Variants in CNTN5 observed in about 807,000 individuals in gnomAD.
The protein encoded by CNTN5 is contactin 5, also known as contactin-5.
In CNTN5, 77 loss-of-function variants were observed where a neutral mutation model predicts 129.1. That is an observed-to-expected ratio of 0.60 (90% CI 0.50 to 0.72). CNTN5 has a LOEUF of 0.72. CNTN5 is among the 30% of genes least tolerant of loss of function. The probability of loss-of-function intolerance (pLI) is 0.00; values close to 1 mark genes in which losing one functional copy is unlikely to be tolerated. For synonymous variants in CNTN5, 509 were observed against 465.6 expected, an observed-to-expected ratio of 1.09 and a Z score of -1.20; for missense variants, 1,478 against 1,328.8, an observed-to-expected ratio of 1.11 and a Z score of -1.75.
intron 1 of CNTN5, among the ~76,000 whole-genome samples, chr11:99,139,763 A>G (rs1352965648): frequency 6.6e-6 from 1 of 152,190 alleles, no homozygotes; most frequent in African/African-American, 2.4e-5. Flanking sequence ...ATATTTGACA[A>G]TTATGCTAAC....
At chr11:99,543,304 C>T (rs531095287) in intron 2 of CNTN5, among the ~76,000 whole-genome samples, 1 of 152,250 alleles carries the variant, frequency 6.6e-6, no homozygotes, top group Admixed American at 6.5e-5. Context: ...TATACAGCAT[C>T]TTATATTTGG....
At chr11:100,157,453 C>T (rs918177939) in intron 13 of CNTN5, among the ~76,000 whole-genome samples, 3 of 150,710 alleles carry the variant, frequency 2.0e-5, no homozygotes, top group Non-Finnish European at 4.4e-5. Context: ...AGTAGCATTA[C>T]AGAAATTAAA....
chr11:99,330,839 T>G (rs1865970014), intron 2 of CNTN5, among the ~76,000 whole-genome samples: 1 of 152,136 alleles, frequency 6.6e-6, no homozygotes, highest in Admixed American at 6.6e-5. Context: ...TTAAAACAAG[T>G]TGATATCTAA....
intron 2 of CNTN5, among the ~76,000 whole-genome samples, chr11:99,548,627 C>T (rs1431489701): frequency 2.0e-5 from 3 of 152,156 alleles, no homozygotes; most frequent in Non-Finnish European, 4.4e-5. Flanking sequence ...TAATGGATTC[C>T]TTATTTGCTT....
chr11:99,348,456 A>C (rs10893171), intron 2 of CNTN5, among the ~76,000 whole-genome samples: 39,914 of 152,140 alleles, frequency 0.26, 5,320 homozygotes, highest in African/African-American at 0.32. Context: ...GATATTTTTG[A>C]TTATATTGAA....
chr11:99,508,848 A>AT (rs1448355047), intron 2 of CNTN5, among the ~76,000 whole-genome samples: 3 of 151,646 alleles, frequency 2.0e-5, no homozygotes, highest in African/African-American at 7.3e-5. Context: ...TGCCCGGCTA[A>AT]TTTTTTATTT....
At chr11:99,119,456 C>T (rs1858200777) in intron 1 of CNTN5, among the ~76,000 whole-genome samples, 1 of 152,142 alleles carries the variant, frequency 6.6e-6, no homozygotes, top group Non-Finnish European at 1.5e-5. Context: ...TATGTTCCTT[C>T]AAAGGACATG....
intron 1 of CNTN5, among the ~76,000 whole-genome samples, chr11:99,068,548 C>G (rs933265965): frequency 6.6e-6 from 1 of 152,088 alleles, no homozygotes; most frequent in Admixed American, 6.6e-5. Context: ...AAAGGATGCC[C>G]GTGAGAAGCA....
intron 2 of CNTN5, among the ~76,000 whole-genome samples, chr11:99,441,007 T>A (rs1284281412): frequency 6.6e-6 from 1 of 152,154 alleles, no homozygotes; most frequent in African/African-American, 2.4e-5. Context: ...TATTTAGAGA[T>A]GAGGGTCTTG....
intron 2 of CNTN5, among the ~76,000 whole-genome samples, chr11:99,507,375 C>CAAAAA (rs35059394): frequency 3.2e-4 from 28 of 87,236 alleles, no homozygotes; most frequent in African/African-American, 1.1e-3. Context: ...GACTCTGTCT[C>CAAAAA]AAAAAAAAAA....
intron 1 of CNTN5, among the ~76,000 whole-genome samples, chr11:99,128,275 G>A (rs944986288): frequency 3.5e-4 from 53 of 152,184 alleles, no homozygotes; most frequent in African/African-American, 1.3e-3. Flanking sequence ...CGCCACTACT[G>A]TGGCTCTAGT....
intron 6 of CNTN5, among the ~76,000 whole-genome samples, chr11:99,851,661 T>A (rs939040704): frequency 2.0e-5 from 3 of 152,218 alleles, no homozygotes; most frequent in African/African-American, 7.2e-5. Flanking sequence ...AAATTGATAG[T>A]TCCTATCTAA....
intron 18 of CNTN5, among the ~76,000 whole-genome samples, chr11:100,286,695 G>A (rs1950802892): frequency 6.7e-6 from 1 of 150,176 alleles, no homozygotes. Context: ...AAAAAGCAGA[G>A]TGCCTCTCCT....
At chr11:100,078,588 G>C (rs1454369149) in intron 13 of CNTN5, among the ~76,000 whole-genome samples, 1 of 152,126 alleles carries the variant, frequency 6.6e-6, no homozygotes, top group South Asian at 2.1e-4. Flanking sequence ...ATAAACCAGT[G>C]TATGAAAAGA....
rs1265380906 is a variant in CNTN5 at position 100,358,655 on chromosome 11, GA to G, written c.*2438del. The stretch of plus-strand genomic sequence containing the variant: ...TTGTATAATGTCCATTGAATATGAA[GA>G]AAGCAACAGTCCTTATAATTAGAAA... On this transcript the variant is annotated 3_prime_UTR_variant, in exon 25 of 25. Transcript: ENST00000524871. 1 of 151,736 alleles carries G rather than the reference GA, an allele frequency of 6.6e-6. No individual in the cohort carries two copies. Among genetic ancestry groups the G allele is most frequent in the Non-Finnish European group, 1.5e-5 (1 of 67,802 alleles). The allele number at this position is 151,736 out of a possible 1,614,324, so 9.4% of individuals were successfully genotyped here. A position where few individuals can be genotyped will look rare whatever the true frequency, so the allele number is the denominator to read the frequency against.
chr11:99,256,934 T>C (rs960803313), intron 1 of CNTN5, among the ~76,000 whole-genome samples: 2 of 152,104 alleles, frequency 1.3e-5, no homozygotes, highest in African/African-American at 4.8e-5. Flanking sequence ...CCAAGATAGA[T>C]GCACACCTTA....
At chr11:100,017,252 A>G (rs1940875974) in intron 9 of CNTN5, among the ~76,000 whole-genome samples, 1 of 151,986 alleles carries the variant, frequency 6.6e-6, no homozygotes, top group African/African-American at 2.4e-5. Flanking sequence ...TTTCCCGTAC[A>G]GACACACAGA....
At chr11:100,057,266 A>G (rs1229300173) in intron 9 of CNTN5, among the ~76,000 whole-genome samples, 1 of 148,316 alleles carries the variant, frequency 6.7e-6, no homozygotes, top group East Asian at 1.9e-4. Flanking sequence ...AAATATATAT[A>G]AAGTATAAGA....
At chr11:99,079,819 A>T (rs978863571) in intron 1 of CNTN5, among the ~76,000 whole-genome samples, 1 of 152,214 alleles carries the variant, frequency 6.6e-6, no homozygotes, top group Non-Finnish European at 1.5e-5. Context: ...ATTGTTTAAG[A>T]CAGAGCTCAG....
Sources: gnomAD v4.1 joint callset for allele counts (sites outside exome capture counted in the v4.1 genomes callset) on GRCh38, gnomAD v4.1.1 for gene constraint, MANE v1.5 for transcripts, NCBI Gene and HGNC (gene_info 2026-07-23, HGNC 2026-07-21) for gene names.